The following PEX5L variants were observed in gnomAD, a reference collection of about 807,000 sequenced individuals.
The protein encoded by PEX5L is PEX5-related protein.
PEX5L carries 30 observed loss-of-function variants against 84.0 expected under a neutral mutation model. The observed-to-expected ratio is 0.36, with a 90% CI of 0.27 to 0.48. The LOEUF is 0.48. PEX5L is among the 20% of genes least tolerant of loss of function. PEX5L has a pLI of 0.99. For synonymous variants in PEX5L, 270 were observed against 283.1 expected, an observed-to-expected ratio of 0.95 and a Z score of 0.46; for missense variants, 533 against 754.6, an observed-to-expected ratio of 0.71 and a Z score of 3.44.
intron 2 of PEX5L, among the ~76,000 whole-genome samples, chr3:179,900,396 A>T (rs1760884764): frequency 6.6e-6 from 1 of 152,190 alleles, no homozygotes. Context: ...AAAAATGTCA[A>T]TTGATAAGCA....
Position 179,811,792 on chromosome 3 carries a change from T to C in PEX5L, c.1154+9A>G, listed in dbSNP as rs367675661. The C allele has an allele frequency of 2.7e-5, 44 of 1,609,558 alleles. No individual in the cohort carries two copies. In the Middle Eastern group the frequency reaches 8.2e-4, roughly 30 times the overall value. On this transcript the variant is annotated intron_variant, in intron 11 of 14. Coordinates refer to ENST00000467460, the MANE Select transcript of PEX5L (RefSeq NM_016559.3). Reference sequence around the variant, plus strand: ...CCAGGCCCATGATTTTGCACTTAGCTTCCTTTACCTCTGGAGGGCGACAAT... The same window carrying C: ...CCAGGCCCATGATTTTGCACTTAGCCTCCTTTACCTCTGGAGGGCGACAAT...
chr3:179,949,212 A>AT (rs374707577), intron 2 of PEX5L, among the ~76,000 whole-genome samples: 2 of 152,100 alleles, frequency 1.3e-5, no homozygotes, highest in Non-Finnish European at 2.9e-5. Flanking sequence ...TGAAGAGTAG[A>AT]TTTTTAAAAA....
chr3:179,994,688 G>A (rs922515618), intron 1 of PEX5L, among the ~76,000 whole-genome samples: 1 of 152,094 alleles, frequency 6.6e-6, no homozygotes, highest in Non-Finnish European at 1.5e-5. Flanking sequence ...CTGTGAGGGT[G>A]TTGCCAAAGG....
chr3:179,864,548 G>A (rs1484660177), intron 7 of PEX5L, among the ~76,000 whole-genome samples: 1 of 152,088 alleles, frequency 6.6e-6, no homozygotes, highest in Non-Finnish European at 1.5e-5. Context: ...AGGGGTTTGG[G>A]AGATGTTGGT....
At chr3:179,986,011 C>G (rs868047315) in intron 1 of PEX5L, among the ~76,000 whole-genome samples, 25 of 152,164 alleles carry the variant, frequency 1.6e-4, no homozygotes, top group Admixed American at 6.5e-4. Context: ...GATGTTTCTG[C>G]AGGAAGTAAT....
chr3:180,036,918 C>T lies in PEX5L; in HGVS notation c.-319G>A, dbSNP rs1268813023. The T allele has an allele frequency of 1.0e-5, 4 of 396,296 alleles. No homozygotes were observed. Among genetic ancestry groups the T allele is most frequent in the African/African-American group, 6.0e-5 (3 of 49,860 alleles). The allele number at this position is 396,296 out of a possible 1,614,324, so 24.5% of individuals were successfully genotyped here. A position where few individuals can be genotyped will look rare whatever the true frequency, so the allele number is the denominator to read the frequency against. On this transcript the variant is annotated 5_prime_UTR_variant, in exon 1 of 15. Coordinates refer to ENST00000467460, the MANE Select transcript of PEX5L (RefSeq NM_016559.3). The stretch of plus-strand genomic sequence containing the variant: ...TCTCTAGAACTCACTCCTTCTTCGC[C>T]GAACTCTTTCTCGCTTCCTGCCAGG...
At chr3:179,963,649 AT>A (rs1435911194) in intron 2 of PEX5L, among the ~76,000 whole-genome samples, 1 of 152,198 alleles carries the variant, frequency 6.6e-6, no homozygotes, top group African/African-American at 2.4e-5. Flanking sequence ...TTTAAAAAAG[AT>A]TATAAACATG....
chr3:180,015,037 AAC>A (rs1446254540), intron 1 of PEX5L, among the ~76,000 whole-genome samples: 3 of 152,228 alleles, frequency 2.0e-5, no homozygotes, highest in Admixed American at 6.5e-5. Flanking sequence ...GTGAGAGGTA[AAC>A]ACAAATAGCA....
chr3:179,967,111 T>C (rs1783537022), intron 2 of PEX5L, among the ~76,000 whole-genome samples: 1 of 152,194 alleles, frequency 6.6e-6, no homozygotes, highest in South Asian at 2.1e-4. Context: ...CCAATTACGA[T>C]AATTCCTAGT....
intron 2 of PEX5L, among the ~76,000 whole-genome samples, chr3:179,944,528 G>A (rs551962947): frequency 6.6e-6 from 1 of 152,322 alleles, no homozygotes; most frequent in African/African-American, 2.4e-5. Flanking sequence ...GCCTGGCAGA[G>A]ACCAGGAGCT....
In PEX5L at chr3:179,809,494, C is replaced by T; in HGVS notation, c.1329G>A (p.Arg443=). ...ACCTATCAACTGGGGACTTAGACAT[C>T]CGCCGGGTGAGGCCTGGAGATCCCT... The part of the protein sequence containing the change: ...SKKGSPGLTR[R]MSKSPVDSSV... Residue 443 remains arginine (R), a synonymous_variant, in exon 12 of 15, where the codon CGG becomes CGA. Transcript: ENST00000467460. 1 of 1,613,992 alleles carries T rather than the reference C, an allele frequency of 6.2e-7. No homozygotes were observed. The highest frequency in any genetic ancestry group is 8.5e-7 in the Non-Finnish European group (1 of 1,179,902).
At chr3:179,892,488 T>G (rs1273480094) in intron 3 of PEX5L, among the ~76,000 whole-genome samples, 1 of 152,158 alleles carries the variant, frequency 6.6e-6, no homozygotes, top group Non-Finnish European at 1.5e-5. Context: ...ATTTTTTTTG[T>G]ATTCAACAGT....
intron 1 of PEX5L, among the ~76,000 whole-genome samples, chr3:180,020,607 T>C (rs1297170894): frequency 1.3e-5 from 2 of 152,138 alleles, no homozygotes; most frequent in Non-Finnish European, 2.9e-5. Context: ...TCCCAAGTCA[T>C]ATACAAGTTA....
chr3:179,895,068 C>T (rs1758804030), intron 3 of PEX5L, among the ~76,000 whole-genome samples: 1 of 151,980 alleles, frequency 6.6e-6, no homozygotes, highest in African/African-American at 2.4e-5. Context: ...TTCTGTTCAA[C>T]AGAATTATGA....
chr3:179,974,154 T>C (rs1438534215), intron 1 of PEX5L: 7 of 985,378 alleles, frequency 7.1e-6, no homozygotes, highest in Admixed American at 6.2e-5. Flanking sequence ...CTATGCACTT[T>C]TGTCAAGCAC....
intron 8 of PEX5L, among the ~76,000 whole-genome samples, chr3:179,845,022 G>A (rs895987201): frequency 2.0e-5 from 3 of 151,880 alleles, no homozygotes; most frequent in African/African-American, 4.8e-5. Flanking sequence ...TCACATTTAC[G>A]TTTAAAAATC....
At chr3:180,036,007 G>C (rs545625391) in intron 1 of PEX5L, among the ~76,000 whole-genome samples, 1 of 152,248 alleles carries the variant, frequency 6.6e-6, no homozygotes, top group African/African-American at 2.4e-5. Flanking sequence ...AAAAACATTA[G>C]AGCTCCTTGG....
intron 2 of PEX5L, among the ~76,000 whole-genome samples, chr3:179,959,828 C>T (rs906343780): frequency 1.3e-4 from 20 of 152,256 alleles, no homozygotes; most frequent in African/African-American, 4.1e-4. Context: ...GGAAGAACCA[C>T]TGTGGCAGCA....
chr3:179,968,722 T>TGTGTGTGTG (rs1491481999), intron 2 of PEX5L, among the ~76,000 whole-genome samples: 2 of 114,138 alleles, frequency 1.8e-5, no homozygotes, highest in Non-Finnish European at 3.3e-5. Context: ...TGTGTGTGTG[T>TGTGTGTGTG]CTGTGTGTGT....
Sources: gnomAD v4.1 joint callset for allele counts (sites outside exome capture counted in the v4.1 genomes callset) on GRCh38, gnomAD v4.1.1 for gene constraint, MANE v1.5 for transcripts, NCBI Gene and HGNC (gene_info 2026-07-23, HGNC 2026-07-21) for gene names.